The following MACROD2 variants were observed in gnomAD, a reference collection of about 807,000 sequenced individuals.
MACROD2 encodes mono-ADP ribosylhydrolase 2.
In MACROD2, 36 loss-of-function variants were observed where a neutral mutation model predicts 70.4. The ratio of observed to expected loss-of-function variants is 0.51; its 90% CI spans 0.39 to 0.68. MACROD2 has a LOEUF of 0.68. Ranked by LOEUF, MACROD2 falls within the 30% of genes least tolerant of loss-of-function variation. The pLI is 0.00. For synonymous variants in MACROD2, 172 were observed against 178.8 expected (o/e 0.96, Z 0.30); for missense variants, 496 against 538.4 (o/e 0.92, Z 0.78).
At chr20:14,306,004 T>C (rs1170004293) in intron 3 of MACROD2, among the ~76,000 whole-genome samples, 1 of 75,356 alleles carries the variant, frequency 1.3e-5, no homozygotes, top group Non-Finnish European at 3.4e-5. Context: ...TCTGTCTCTC[T>C]TGCTTTCTCT....
At chr20:14,756,207 CT>C (rs376032508) in intron 5 of MACROD2, among the ~76,000 whole-genome samples, 3 of 151,876 alleles carry the variant, frequency 2.0e-5, no homozygotes, top group South Asian at 2.1e-4. Flanking sequence ...TTATGTCAAG[CT>C]TTTTTTTCAT....
At chr20:15,253,738 A>G (rs546435849) in intron 6 of MACROD2, among the ~76,000 whole-genome samples, 2 of 152,304 alleles carry the variant, frequency 1.3e-5, no homozygotes, top group South Asian at 4.1e-4. Context: ...GCTGAAGGTC[A>G]CAATCTTTAT....
intron 5 of MACROD2, among the ~76,000 whole-genome samples, chr20:14,996,963 C>A (rs1249922655): frequency 6.6e-6 from 1 of 152,172 alleles, no homozygotes; most frequent in East Asian, 1.9e-4. Context: ...GAAAGGCAAT[C>A]TAGGCTACAA....
chr20:14,420,284 T>A (rs2083860474), intron 3 of MACROD2, among the ~76,000 whole-genome samples: 1 of 152,000 alleles, frequency 6.6e-6, no homozygotes, highest in Non-Finnish European at 1.5e-5. Context: ...TTTTGAGGAA[T>A]CTCTAAACTG....
At chr20:14,290,507 A>ATT (rs11350359) in intron 3 of MACROD2, among the ~76,000 whole-genome samples, 7 of 133,182 alleles carry the variant, frequency 5.3e-5, no homozygotes, top group South Asian at 2.4e-4. Context: ...AGGTAGCTGT[A>ATT]TTTTTTTTTT....
chr20:15,732,366 A>G (rs1328696277), intron 8 of MACROD2, among the ~76,000 whole-genome samples: 1 of 152,166 alleles, frequency 6.6e-6, no homozygotes, highest in Admixed American at 6.5e-5. Flanking sequence ...ACTGCTGCAG[A>G]GTCACCTAGG....
intron 9 of MACROD2, among the ~76,000 whole-genome samples, chr20:15,863,790 G>T (rs1247061388): frequency 6.6e-6 from 1 of 152,184 alleles, no homozygotes; most frequent in Non-Finnish European, 1.5e-5. Context: ...CTTGCCTGTA[G>T]ATCAGAGTAG....
Position 15,118,196 on chromosome 20 carries a change from A to ATTTTT in MACROD2, c.419-111733_419-111729dup, listed in dbSNP as rs35217480. ...TAAAGTGAGCTTTTTTTAATTTTAA[A>ATTTTT]TTTTTTTTTTTTTTTGAGCCAGGGT... On this transcript the variant is annotated intron_variant, in intron 5 of 17. Coordinates refer to ENST00000684519, the MANE Select transcript of MACROD2 (RefSeq NM_001351661.2). Among the ~76,000 whole-genome samples, 380 of 146,114 alleles carry ATTTTT rather than the reference A, an allele frequency of 2.6e-3. 2 individuals carry two copies. The highest frequency in any genetic ancestry group is 4.2e-3 in the African/African-American group (166 of 39,986).
intron 5 of MACROD2, among the ~76,000 whole-genome samples, chr20:15,211,411 G>T (rs1458357434): frequency 1.3e-5 from 2 of 152,024 alleles, no homozygotes; most frequent in Non-Finnish European, 2.9e-5. Flanking sequence ...TTAGATCTTT[G>T]TCCCCTCCAG....
At chr20:15,991,535 G>C (rs945722596) in intron 15 of MACROD2, among the ~76,000 whole-genome samples, 3 of 152,058 alleles carry the variant, frequency 2.0e-5, no homozygotes, top group African/African-American at 7.2e-5. Context: ...CTAACACTTG[G>C]GCCATCATAT....
At chr20:15,022,676 C>G (rs2122970890) in intron 5 of MACROD2, among the ~76,000 whole-genome samples, 1 of 152,218 alleles carries the variant, frequency 6.6e-6, no homozygotes, top group East Asian at 1.9e-4. Flanking sequence ...GAGTAAGCAG[C>G]AATTAACTCT....
At chr20:14,278,940 C>G (rs974875367) in intron 3 of MACROD2, among the ~76,000 whole-genome samples, 3 of 152,038 alleles carry the variant, frequency 2.0e-5, no homozygotes, top group African/African-American at 7.2e-5. Flanking sequence ...TAAATGAAGT[C>G]ATTGTTACTA....
At chr20:14,438,807 A>G (rs2084088004) in intron 3 of MACROD2, among the ~76,000 whole-genome samples, 2 of 152,208 alleles carry the variant, frequency 1.3e-5, no homozygotes, top group Admixed American at 6.5e-5. Flanking sequence ...AGTCATGGAT[A>G]TTAACCCGTT....
chr20:15,413,896 G>A (rs1475838190), intron 6 of MACROD2, among the ~76,000 whole-genome samples: 2 of 152,094 alleles, frequency 1.3e-5, no homozygotes, highest in African/African-American at 4.8e-5. Context: ...ACACAGAAAA[G>A]CACCTGACCA....
rs73256927 is a variant in MACROD2, at chr20:14,435,578, G to A, written c.272-57901G>A. Reference sequence around the variant, plus strand: ...GATAGTTATTGAGTACCCCTTATGCGTCATTATAGGTCCTGAAGAGAAAGT... The same window carrying A: ...GATAGTTATTGAGTACCCCTTATGCATCATTATAGGTCCTGAAGAGAAAGT... On this transcript the variant is annotated intron_variant, in intron 3 of 17. Transcript: ENST00000684519. 1.5e-3 allele frequency among the ~76,000 whole-genome samples: 235 copies of A among 152,172 alleles called. 1 individual carries two copies. Among genetic ancestry groups the A allele is most frequent in the African/African-American group, 5.0e-3 (208 of 41,530 alleles).
chr20:14,556,066 C>G (rs1979011933), intron 4 of MACROD2, among the ~76,000 whole-genome samples: 1 of 151,970 alleles, frequency 6.6e-6, no homozygotes, highest in Admixed American at 6.6e-5. Flanking sequence ...GAATGTTTGC[C>G]TGCATATGAA....
At chr20:14,489,014 A>C (rs1487343714) in intron 3 of MACROD2, among the ~76,000 whole-genome samples, 1 of 152,138 alleles carries the variant, frequency 6.6e-6, no homozygotes, top group Non-Finnish European at 1.5e-5. Flanking sequence ...ATTGTATTCT[A>C]TTTTTGGCTT....
chr20:14,005,775 A>G (rs1053250381), intron 2 of MACROD2, among the ~76,000 whole-genome samples: 7 of 151,846 alleles, frequency 4.6e-5, no homozygotes, highest in African/African-American at 1.7e-4. Context: ...TAATTTTTGT[A>G]TTTTTTGTGG....
At chr20:14,427,573 T>G (rs1404741875) in intron 3 of MACROD2, among the ~76,000 whole-genome samples, 1 of 152,060 alleles carries the variant, frequency 6.6e-6, no homozygotes, top group East Asian at 1.9e-4. Flanking sequence ...TATGTGCATG[T>G]ATCTGTATAC....
Sources: allele counts gnomAD v4.1 joint callset (sites outside exome capture counted in the v4.1 genomes callset), GRCh38; gene constraint gnomAD v4.1.1; transcripts MANE v1.5; gene names NCBI Gene and HGNC (gene_info 2026-07-23, HGNC 2026-07-21).